The following ROBO2 variants were observed in gnomAD, a reference collection of about 807,000 sequenced individuals.
ROBO2 encodes the protein roundabout homolog 2.
A neutral mutation model predicts 160.8 loss-of-function variants in ROBO2; 53 were observed. That is an observed-to-expected ratio of 0.33 (90% CI 0.26 to 0.41). The LOEUF (loss-of-function observed/expected upper bound fraction) is 0.41, where lower values mean the gene tolerates loss of function less well. ROBO2 is among the 10% of genes least tolerant of loss of function. ROBO2 has a pLI of 1.00. For synonymous variants in ROBO2, 664 were observed against 611.7 expected (o/e 1.09, Z -1.26); for missense variants, 1,577 against 1,722.4 (o/e 0.92, Z 1.49).
chr3:76,060,098 G>T (rs187386863), intron 2 of ROBO2, among the ~76,000 whole-genome samples: 2 of 104,714 alleles, frequency 1.9e-5, no homozygotes, highest in Non-Finnish European at 3.6e-5. Context: ...AACAGAATCA[G>T]CTAGAAAATG....
intron 2 of ROBO2, among the ~76,000 whole-genome samples, chr3:76,117,251 T>G (rs2070509765): frequency 6.6e-6 from 1 of 152,190 alleles, no homozygotes; most frequent in Non-Finnish European, 1.5e-5. Flanking sequence ...ATAGCTTCAT[T>G]TGTCATGATA....
In ROBO2 at chr3:76,119,921, CCTTCCTTCCTTCCTT is replaced by C. The variant is rs1559566763; in HGVS notation, c.109+182321_109+182335del. Among the ~76,000 whole-genome samples the C allele has an allele frequency of 5.1e-4, 22 of 42,732 alleles. 1 individual carries two copies. Among genetic ancestry groups the C allele is most frequent in the African/African-American group, 1.1e-3 (19 of 17,948 alleles). The allele number at this position is 42,732 out of a possible 152,430, so 28.0% of individuals were successfully genotyped here. On this transcript the variant is annotated intron_variant, in intron 2 of 26. Transcript: ENST00000487694. Reference sequence around the variant, plus strand: ...CTTCCCTTCCTTCCCTCCCTCCCTTCCTTCCTTCCTTCCTTCCTTCCTTCCTTCCTTCCTTCCTTC... The same window carrying C: ...CTTCCCTTCCTTCCCTCCCTCCCTTCCCTTCCTTCCTTCCTTCCTTCCTTC...
chr3:77,434,738 A>G (rs2079116035), intron 2 of ROBO2, among the ~76,000 whole-genome samples: 1 of 152,142 alleles, frequency 6.6e-6, no homozygotes, highest in African/African-American at 2.4e-5. Context: ...AAGGAAGAGC[A>G]AATCAATATG....
At chr3:76,347,621 C>CT (rs2108250668) in intron 2 of ROBO2, among the ~76,000 whole-genome samples, 2 of 152,026 alleles carry the variant, frequency 1.3e-5, no homozygotes, top group South Asian at 4.2e-4. Context: ...TAATCTTATA[C>CT]TTTTTAGAGT....
At chr3:76,965,926 T>C (rs1371439937) in intron 2 of ROBO2, among the ~76,000 whole-genome samples, 3 of 144,990 alleles carry the variant, frequency 2.1e-5, no homozygotes, top group African/African-American at 5.0e-5. Context: ...ATTTTCTTTT[T>C]TTTTTTTTTT....
At chr3:76,104,893 A>G (rs1398636732) in intron 2 of ROBO2, among the ~76,000 whole-genome samples, 3 of 152,180 alleles carry the variant, frequency 2.0e-5, no homozygotes, top group Non-Finnish European at 4.4e-5. Flanking sequence ...AATCTGTACT[A>G]TGGGAATGAT....
At chr3:75,942,347 A>G (rs1358000804) in intron 2 of ROBO2, among the ~76,000 whole-genome samples, 5 of 152,148 alleles carry the variant, frequency 3.3e-5, no homozygotes, top group Admixed American at 2.0e-4. Context: ...TGAATATTGA[A>G]TGTGTATTCC....
chr3:76,299,750 A>G (rs140367459), intron 2 of ROBO2, among the ~76,000 whole-genome samples: 2,846 of 152,190 alleles, frequency 0.019, 79 homozygotes, highest in African/African-American at 0.064. Flanking sequence ...GAAGGAGTGA[A>G]AACTGGTTAA....
chr3:76,712,374 A>G (rs898710952), intron 2 of ROBO2, among the ~76,000 whole-genome samples: 3 of 152,086 alleles, frequency 2.0e-5, no homozygotes, highest in African/African-American at 7.2e-5. Context: ...AAATAATGAC[A>G]TCAGTATCTC....
intron 2 of ROBO2, among the ~76,000 whole-genome samples, chr3:77,201,841 C>A (rs546127928): frequency 6.6e-6 from 1 of 152,006 alleles, no homozygotes; most frequent in South Asian, 2.1e-4. Flanking sequence ...CAGTAAGAAA[C>A]GGTGAGATAT....
intron 2 of ROBO2, among the ~76,000 whole-genome samples, chr3:76,661,455 G>A (rs2091815736): frequency 6.6e-6 from 1 of 152,196 alleles, no homozygotes; most frequent in African/African-American, 2.4e-5. Context: ...GGTCCTGAGA[G>A]TATGTACTCA....
chr3:77,288,533 A>G (rs953029627), intron 2 of ROBO2, among the ~76,000 whole-genome samples: 1 of 152,194 alleles, frequency 6.6e-6, no homozygotes, highest in African/African-American at 2.4e-5. Context: ...TGCAATACTA[A>G]TTAACATGCC....
intron 2 of ROBO2, among the ~76,000 whole-genome samples, chr3:77,030,029 T>C (rs1198696868): frequency 6.6e-6 from 1 of 151,860 alleles, no homozygotes; most frequent in Non-Finnish European, 1.5e-5. Flanking sequence ...CACTGCAAGC[T>C]CCGCCTCCCA....
intron 2 of ROBO2, among the ~76,000 whole-genome samples, chr3:76,487,994 A>G (rs945456886): frequency 6.6e-6 from 1 of 152,152 alleles, no homozygotes; most frequent in Non-Finnish European, 1.5e-5. Flanking sequence ...GCCATATTCT[A>G]CCATTAGAAG....
intron 2 of ROBO2, among the ~76,000 whole-genome samples, chr3:75,951,136 A>C (rs973036467): frequency 1.3e-5 from 2 of 152,008 alleles, no homozygotes; most frequent in African/African-American, 4.8e-5. Flanking sequence ...CTAATTAACC[A>C]TCCCCAATTT....
intron 2 of ROBO2, among the ~76,000 whole-genome samples, chr3:76,857,829 C>T (rs1405014628): frequency 6.6e-6 from 1 of 152,182 alleles, no homozygotes; most frequent in Non-Finnish European, 1.5e-5. Context: ...GCCTTACTCA[C>T]AAGGTCATAA....
chr3:76,603,332 C>A (rs1218756928), intron 2 of ROBO2, among the ~76,000 whole-genome samples: 85 of 66,508 alleles, frequency 1.3e-3, no homozygotes, highest in African/African-American at 3.6e-3. Flanking sequence ...ACTCCATCTC[C>A]AAAAAAAAAA....
At chr3:76,508,458 T>C (rs2080908204) in intron 2 of ROBO2, among the ~76,000 whole-genome samples, 1 of 152,168 alleles carries the variant, frequency 6.6e-6, no homozygotes, top group Non-Finnish European at 1.5e-5. Flanking sequence ...ACCTACTCAA[T>C]CTATTTTCTC....
intron 3 of ROBO2, 104 bp downstream of exon 3, chr3:77,477,675 A>AC: frequency 1.7e-6 from 2 of 1,183,344 alleles, no homozygotes; most frequent in Non-Finnish European, 2.5e-6. Context: ...ATTGTATTTG[A>AC]ATGTTAATTA....
Sources: allele counts gnomAD v4.1 joint callset (sites outside exome capture counted in the v4.1 genomes callset), GRCh38; gene constraint gnomAD v4.1.1; transcripts MANE v1.5; gene names NCBI Gene and HGNC (gene_info 2026-07-23, HGNC 2026-07-21).